RAPGEF6: variants seen among roughly 807,000 people sequenced by gnomAD.
RAPGEF6 encodes PDZ domain containing guanine nucleotide exchange factor (GEF) 2.
RAPGEF6 carries 56 observed loss-of-function variants against 171.4 expected under a neutral mutation model. The ratio of observed to expected loss-of-function variants is 0.33; its 90% CI spans 0.26 to 0.41. The LOEUF (loss-of-function observed/expected upper bound fraction) is 0.41, where lower values mean the gene tolerates loss of function less well. RAPGEF6 is among the 10% of genes least tolerant of loss of function. The pLI is 1.00. For synonymous variants in RAPGEF6, 692 were observed against 650.1 expected (o/e 1.06, Z -0.98); for missense variants, 1,674 against 1,921.4 (o/e 0.87, Z 2.41).
At chr5:131,622,231 C>T (rs1319100164) in intron 1 of RAPGEF6, among the ~76,000 whole-genome samples, 2 of 152,042 alleles carry the variant, frequency 1.3e-5, no homozygotes, top group East Asian at 3.9e-4. Flanking sequence ...GGCTTCTTAA[C>T]TTGAGAAAAG....
chr5:131,497,305 G>A (rs1756701726), intron 12 of RAPGEF6, among the ~76,000 whole-genome samples: 1 of 152,104 alleles, frequency 6.6e-6, no homozygotes, highest in South Asian at 2.1e-4. Flanking sequence ...CTCTTATTCT[G>A]TGCATTGTCT....
At chr5:131,533,311 T>A (rs1759535305) in intron 6 of RAPGEF6, among the ~76,000 whole-genome samples, 1 of 152,026 alleles carries the variant, frequency 6.6e-6, no homozygotes, top group Admixed American at 6.6e-5. Context: ...AAAAATCCAT[T>A]TTGATTTTTA....
At chr5:131,619,286 G>T (rs1022531768) in intron 1 of RAPGEF6, among the ~76,000 whole-genome samples, 1 of 152,136 alleles carries the variant, frequency 6.6e-6, no homozygotes, top group African/African-American at 2.4e-5. Context: ...GACACATGGA[G>T]GGGAACATCA....
chr5:131,546,921 T>C (rs1760583968), intron 6 of RAPGEF6, among the ~76,000 whole-genome samples: 1 of 152,188 alleles, frequency 6.6e-6, no homozygotes, highest in Non-Finnish European at 1.5e-5. Context: ...AATCTGTTTC[T>C]AATTTTTCAA....
intron 9 of RAPGEF6, 29 bp downstream of exon 9, chr5:131,508,042 A>C: frequency 1.3e-6 from 2 of 1,537,646 alleles, no homozygotes; most frequent in Non-Finnish European, 1.8e-6. Flanking sequence ...TATCCATAAT[A>C]AATGTATGTA....
At chr5:131,516,929 A>G (rs1758124629) in intron 7 of RAPGEF6, among the ~76,000 whole-genome samples, 1 of 152,322 alleles carries the variant, frequency 6.6e-6, no homozygotes, top group African/African-American at 2.4e-5. Flanking sequence ...GAAGACATGA[A>G]AACTCTCAAG....
chr5:131,444,754 T>C (rs1752581740), intron 22 of RAPGEF6, among the ~76,000 whole-genome samples: 1 of 152,092 alleles, frequency 6.6e-6, no homozygotes, highest in South Asian at 2.1e-4. Context: ...GCCATGAGGG[T>C]GTATATAAAC....
chr5:131,627,392 AC>A (rs1766001556), intron 1 of RAPGEF6, among the ~76,000 whole-genome samples: 1 of 152,248 alleles, frequency 6.6e-6, no homozygotes, highest in African/African-American at 2.4e-5. Flanking sequence ...TCCAATGAAT[AC>A]GAAGTGCTAC....
chr5:131,466,020 G>A (rs1276791210), intron 17 of RAPGEF6, among the ~76,000 whole-genome samples: 1 of 136,192 alleles, frequency 7.3e-6, no homozygotes, highest in African/African-American at 2.8e-5. Context: ...TTAAAAGGGA[G>A]AAATGGAACA....
intron 7 of RAPGEF6, among the ~76,000 whole-genome samples, chr5:131,517,601 A>G: frequency 6.8e-6 from 1 of 147,938 alleles, no homozygotes; most frequent in Admixed American, 7.0e-5. Context: ...CACTTCAGCT[A>G]TCCCAGGCTA....
chr5:131,617,006 A>G (rs1765304677), intron 1 of RAPGEF6, among the ~76,000 whole-genome samples: 1 of 152,258 alleles, frequency 6.6e-6, no homozygotes, highest in African/African-American at 2.4e-5. Flanking sequence ...TATCCCAGGA[A>G]TTTTAACAAA....
At chr5:131,589,654 G>A (rs1232642468) in intron 4 of RAPGEF6, among the ~76,000 whole-genome samples, 1 of 152,216 alleles carries the variant, frequency 6.6e-6, no homozygotes, top group Admixed American at 6.5e-5. Flanking sequence ...TTTGTGATAA[G>A]GATGAGAATT....
At chr5:131,575,749 C>G (rs897642308) in intron 4 of RAPGEF6, among the ~76,000 whole-genome samples, 2 of 152,166 alleles carry the variant, frequency 1.3e-5, no homozygotes, top group African/African-American at 4.8e-5. Context: ...CATCCCAATC[C>G]TTCTTCTTAC....
chr5:131,546,193 C>G (rs72787080), intron 6 of RAPGEF6, among the ~76,000 whole-genome samples: 1 of 152,168 alleles, frequency 6.6e-6, no homozygotes, highest in Non-Finnish European at 1.5e-5. Flanking sequence ...CTAGCTCACA[C>G]TAGGAAAACT....
intron 6 of RAPGEF6, among the ~76,000 whole-genome samples, chr5:131,534,005 T>C (rs930721405): frequency 1.3e-5 from 2 of 152,126 alleles, no homozygotes; most frequent in African/African-American, 4.8e-5. Flanking sequence ...AAGCTTGCAA[T>C]GGTTGCTCCT....
chr5:131,504,546 T>TA, intron 11 of RAPGEF6, 80 bp downstream of exon 11: 2 of 1,371,936 alleles, frequency 1.5e-6, no homozygotes, highest in Non-Finnish European at 9.9e-7. Context: ...TTGCATTACT[T>TA]AAAAAATGGT....
chr5:131,611,774 T>A (rs1764947990), intron 1 of RAPGEF6, among the ~76,000 whole-genome samples: 1 of 152,252 alleles, frequency 6.6e-6, no homozygotes, highest in Non-Finnish European at 1.5e-5. Context: ...ATCTTGTTAA[T>A]AAATTCACTT....
chr5:131,498,983 A>C (rs1450184442), intron 11 of RAPGEF6, among the ~76,000 whole-genome samples: 3 of 152,234 alleles, frequency 2.0e-5, no homozygotes, highest in Non-Finnish European at 4.4e-5. Context: ...AAAGAGGTGA[A>C]AGTTAAACTA....
chr5:131,578,979 C>T (rs1191443070), intron 4 of RAPGEF6, among the ~76,000 whole-genome samples: 1 of 152,128 alleles, frequency 6.6e-6, no homozygotes, highest in East Asian at 1.9e-4. Flanking sequence ...AATGAAGCCG[C>T]GGACCCTCGT....
Sources: allele counts gnomAD v4.1 joint callset (sites outside exome capture counted in the v4.1 genomes callset), GRCh38; gene constraint gnomAD v4.1.1; transcripts MANE v1.5; gene names NCBI Gene and HGNC (gene_info 2026-07-23, HGNC 2026-07-21).